SLC25A21: variants seen among roughly 807,000 people sequenced by gnomAD.
SLC25A21 encodes the protein solute carrier family 25 member 21.
In SLC25A21, 47 loss-of-function variants were observed where a neutral mutation model predicts 43.8. The observed-to-expected ratio is 1.07, with a 90% CI of 0.85 to 1.37. SLC25A21 has a LOEUF of 1.37. SLC25A21 is among the 40% of genes most tolerant of loss of function. The pLI, the probability that SLC25A21 is intolerant of heterozygous loss-of-function variation, is 0.00. For synonymous variants in SLC25A21, 131 were observed against 121.3 expected (o/e 1.08, Z -0.52); for missense variants, 352 against 350.2 (o/e 1.00, Z -0.04).
intron 3 of SLC25A21, among the ~76,000 whole-genome samples, chr14:36,747,839 C>T (rs1885557135): frequency 2.0e-5 from 3 of 152,068 alleles, no homozygotes; most frequent in Admixed American, 2.0e-4. Flanking sequence ...TTTGGACCCG[C>T]GCATTTTGAA....
intron 8 of SLC25A21, 26 bp downstream of exon 8, chr14:36,684,718 A>G (rs1400292362): frequency 3.8e-6 from 6 of 1,580,038 alleles, no homozygotes; most frequent in Non-Finnish European, 5.2e-6. Context: ...TCATACATTT[A>G]TTAAAATAAG....
chr14:37,066,624 C>T (rs1962066121), intron 1 of SLC25A21, among the ~76,000 whole-genome samples: 1 of 151,894 alleles, frequency 6.6e-6, no homozygotes, highest in South Asian at 2.1e-4. Flanking sequence ...GGGTTAAGGA[C>T]CATGATGTAT....
intron 3 of SLC25A21, among the ~76,000 whole-genome samples, chr14:36,808,256 G>T (rs1888114537): frequency 6.6e-6 from 1 of 152,144 alleles, no homozygotes; most frequent in South Asian, 2.1e-4. Context: ...ACATAAGAGA[G>T]CTAAGGAACA....
chr14:37,081,230 C>CATTGT, intron 1 of SLC25A21, among the ~76,000 whole-genome samples: 1 of 152,302 alleles, frequency 6.6e-6, no homozygotes, highest in East Asian at 1.9e-4. Flanking sequence ...AGTTAGAACA[C>CATTGT]TTTTTAAATG....
At chr14:36,875,911 T>G (rs1890508647) in intron 1 of SLC25A21, among the ~76,000 whole-genome samples, 1 of 152,186 alleles carries the variant, frequency 6.6e-6, no homozygotes, top group Non-Finnish European at 1.5e-5. Flanking sequence ...ATAATTATAG[T>G]AGTCATCATT....
intron 1 of SLC25A21, among the ~76,000 whole-genome samples, chr14:37,170,388 T>A (rs1049200980): frequency 2.0e-5 from 3 of 152,158 alleles, no homozygotes; most frequent in African/African-American, 7.2e-5. Flanking sequence ...ATACATAGTA[T>A]GATCATATAA....
chr14:37,172,554 C>A lies in SLC25A21; in HGVS notation c.-204G>T. On this transcript the variant is annotated 5_prime_UTR_variant, in exon 1 of 10. Transcript: ENST00000331299. ...GATCTCCGGCGCGTCGGAACCTGTT[C>A]GCAGCGCTCTCGCAGAGGCGCCCTC... The A allele has an allele frequency of 4.2e-6, 3 of 714,106 alleles. No individual in the cohort carries two copies. Among genetic ancestry groups the A allele is most frequent in the Non-Finnish European group, 7.6e-6 (3 of 393,782 alleles). 44.2% of individuals were successfully genotyped at this position (714,106 alleles called of 1,614,324 possible). A position where few individuals can be genotyped will look rare whatever the true frequency, so the allele number is the denominator to read the frequency against.
intron 1 of SLC25A21, among the ~76,000 whole-genome samples, chr14:37,023,085 A>G (rs2022723): frequency 0.99 from 150,289 of 152,006 alleles, 74,303 homozygotes; most frequent in Middle Eastern, 1. Flanking sequence ...ATTACCAACA[A>G]GCTGAACACA....
At chr14:37,172,173 G>T in intron 1 of SLC25A21, 108 bp downstream of exon 1, 1 of 1,172,936 alleles carries the variant, frequency 8.5e-7, no homozygotes, top group Non-Finnish European at 1.2e-6. Context: ...GCTGAATTTT[G>T]AGGAAGAGGG....
At chr14:36,758,613 T>C (rs1201452870) in intron 3 of SLC25A21, among the ~76,000 whole-genome samples, 10 of 136,674 alleles carry the variant, frequency 7.3e-5, no homozygotes, top group Non-Finnish European at 1.3e-4. Flanking sequence ...AAAAAGGAGG[T>C]TTTAGGTTTG....
In SLC25A21 at chr14:36,709,716, T is replaced by C. The variant is rs115458136; in HGVS notation, c.603+1602A>G. 4.6e-3 allele frequency among the ~76,000 whole-genome samples: 687 copies of C among 148,740 alleles called. 5 individuals are homozygous for C. The highest frequency in any genetic ancestry group is 0.017 in the African/African-American group (667 of 40,304). On this transcript the variant is annotated intron_variant, in intron 7 of 9. Transcript: ENST00000331299. ...AGATTCAGCTGTCATTTGAGAAAAG[T>C]CCTGGCCTTTACTAGAATATAGGGG...
chr14:37,054,466 G>A (rs1277226302), intron 1 of SLC25A21, among the ~76,000 whole-genome samples: 1 of 152,150 alleles, frequency 6.6e-6, no homozygotes, highest in Admixed American at 6.5e-5. Context: ...TAGAAAGCCA[G>A]AACAAATTTT....
At chr14:36,883,781 C>T (rs974174258) in intron 1 of SLC25A21, among the ~76,000 whole-genome samples, 1 of 151,956 alleles carries the variant, frequency 6.6e-6, no homozygotes, top group Admixed American at 6.6e-5. Flanking sequence ...CCAAAGAATC[C>T]ACGATGATAA....
intron 2 of SLC25A21, among the ~76,000 whole-genome samples, chr14:36,858,646 G>A (rs1241845187): frequency 6.6e-6 from 1 of 152,078 alleles, no homozygotes; most frequent in Non-Finnish European, 1.5e-5. Context: ...ATTTGGGAAT[G>A]CTTCCCTCTT....
At chr14:36,912,512 TGA>T (rs1891715682) in intron 1 of SLC25A21, among the ~76,000 whole-genome samples, 1 of 152,228 alleles carries the variant, frequency 6.6e-6, no homozygotes, top group African/African-American at 2.4e-5. Context: ...TCCTATAACC[TGA>T]CTGAAGGCAT....
Position 36,940,155 on chromosome 14 carries a change from C to T in SLC25A21, c.71-65151G>A, listed in dbSNP as rs189663623. ...ACTTGAACTCAGTCAACTTTAACAA[C>T]GACTACCAGCAGCCCCTTTCAATTA... On this transcript the variant is annotated intron_variant, in intron 1 of 9. Coordinates refer to ENST00000331299, the MANE Select transcript of SLC25A21 (RefSeq NM_030631.4). 2.2e-4 allele frequency among the ~76,000 whole-genome samples: 34 copies of T among 152,176 alleles called. No individual in the cohort carries two copies. In the East Asian group the frequency reaches 3.7e-3, roughly 16 times the overall value.
chr14:37,157,734 T>TA lies in SLC25A21; in HGVS notation c.70+14546dup, dbSNP rs545271994. Among the ~76,000 whole-genome samples the TA allele has an allele frequency of 1.1e-4, 17 of 150,886 alleles. No individual in the cohort carries two copies. In the South Asian group the frequency reaches 3.6e-3, roughly 32 times the overall value. ...AAAACTGGCAGAAGAAAAGAAATAA[T>TA]AAAAAACAGAGCAGAACTAAATGAA... On this transcript the variant is annotated intron_variant, in intron 1 of 9. Coordinates refer to ENST00000331299, the MANE Select transcript of SLC25A21 (RefSeq NM_030631.4).
At chr14:37,162,211 G>A (rs915645172) in intron 1 of SLC25A21, among the ~76,000 whole-genome samples, 3 of 152,134 alleles carry the variant, frequency 2.0e-5, no homozygotes, top group Non-Finnish European at 2.9e-5. Context: ...CCATTTTGTA[G>A]GTTGCCTGTT....
At position 37,096,238 on chromosome 14, in the gene SLC25A21, C is replaced by T. The variant is rs566550400; in HGVS notation, c.70+76043G>A. ...ATTGCATCAATGACAAATGCATTGC[C>T]GTTTTATTGAAGTTGATAACAGAAT... On this transcript the variant is annotated intron_variant, in intron 1 of 9. Coordinates refer to ENST00000331299, the MANE Select transcript of SLC25A21 (RefSeq NM_030631.4). Among the ~76,000 whole-genome samples the T allele has an allele frequency of 1.5e-3, 233 of 152,196 alleles. 1 individual carries two copies. The highest frequency in any genetic ancestry group is 5.2e-3 in the African/African-American group (216 of 41,514).
Sources: gnomAD v4.1 joint callset for allele counts (sites outside exome capture counted in the v4.1 genomes callset) on GRCh38, gnomAD v4.1.1 for gene constraint, MANE v1.5 for transcripts, NCBI Gene and HGNC (gene_info 2026-07-23, HGNC 2026-07-21) for gene names.